Variants in CHSY1 observed in about 807,000 individuals in gnomAD.
CHSY1 encodes the protein chondroitin sulfate synthase 1, also known as N-acetylgalactosaminyl-proteoglycan 3-beta-glucuronosyltransferase 1.
CHSY1 carries 13 observed loss-of-function variants against 59.8 expected under a neutral mutation model. That is an observed-to-expected ratio of 0.22 (90% CI 0.14 to 0.35). CHSY1 has a LOEUF of 0.35. Among genes scored for constraint, CHSY1 ranks in the 10% least tolerant of loss-of-function variants. The pLI is 1.00. For synonymous variants in CHSY1, 459 were observed against 401.2 expected (o/e 1.14, Z -1.72); for missense variants, 947 against 1,030.6 (o/e 0.92, Z 1.11).
chr15:101,188,001 G>C (rs1035101824), intron 2 of CHSY1: 1 of 984,016 alleles, frequency 1.0e-6, no homozygotes, highest in African/African-American at 1.7e-5. Context: ...ACCTTCCACA[G>C]TCTTCATTAG....
chr15:101,239,659 T>G (rs1020858185), intron 1 of CHSY1, among the ~76,000 whole-genome samples: 12 of 152,346 alleles, frequency 7.9e-5, no homozygotes, highest in Admixed American at 5.9e-4. Context: ...GGGCTCCACG[T>G]GGACTAGTCA....
intron 1 of CHSY1, among the ~76,000 whole-genome samples, chr15:101,236,775 A>T (rs529307292): frequency 6.6e-6 from 1 of 152,354 alleles, no homozygotes; most frequent in East Asian, 1.9e-4. Context: ...CAGCGAGCCG[A>T]GATCGTGCCA....
intron 2 of CHSY1, among the ~76,000 whole-genome samples, chr15:101,210,387 C>T (rs1344300581): frequency 6.6e-6 from 1 of 152,024 alleles, no homozygotes; most frequent in Non-Finnish European, 1.5e-5. Flanking sequence ...AAAACTAATC[C>T]CCATTTAAAC....
chr15:101,212,369 T>C (rs1311581482), intron 2 of CHSY1, among the ~76,000 whole-genome samples: 1 of 152,116 alleles, frequency 6.6e-6, no homozygotes, highest in East Asian at 1.9e-4. Context: ...TGTTCAAGAG[T>C]AGTCAAAGCA....
chr15:101,202,163 G>C (rs373505821), intron 2 of CHSY1, among the ~76,000 whole-genome samples: 29 of 138,020 alleles, frequency 2.1e-4, no homozygotes, highest in Admixed American at 4.3e-4. Context: ...TTCTGCAGGG[G>C]GGGCAGTGGG....
intron 2 of CHSY1, among the ~76,000 whole-genome samples, chr15:101,207,999 A>G (rs538505800): frequency 2.3e-4 from 35 of 152,364 alleles, no homozygotes; most frequent in African/African-American, 8.4e-4. Context: ...GAGGCATTGC[A>G]ACAGAGGATT....
chr15:101,178,576 G>T lies in CHSY1; in HGVS notation c.1221C>A (p.Asp407Glu), dbSNP rs542222806. ...TCATCTCCATGACCTGCATGACAAT[G>T]TCGTCCAAGGCTTCCCTCTGGGCGG... ...MDSAQREALDDIVMQVMEMIN... is the reference protein window; with the variant it reads ...MDSAQREALDEIVMQVMEMIN... The change falls in exon 3 of 3, where the codon GAC becomes GAA. Residue 407 changes from aspartate (D) to glutamate (E), a missense_variant. Transcript: ENST00000254190. 6.2e-7 allele frequency: 1 copy of T among 1,614,230 alleles called. No individual in the cohort carries two copies. The highest frequency in any genetic ancestry group is 1.7e-5 in the Admixed American group (1 of 60,032).
At position 101,176,083 on chromosome 15, in the gene CHSY1, A is replaced by G. The variant is rs1284894766; in HGVS notation, c.*1305T>C. On this transcript the variant is annotated 3_prime_UTR_variant, in exon 3 of 3. Coordinates refer to ENST00000254190, the MANE Select transcript of CHSY1 (RefSeq NM_014918.5). ...TAAAACAGTAAGGAATATAAAAATT[A>G]AGGAGGGGAAAAAGCGTTTCCAAAA... The G allele has an allele frequency of 2.5e-6, 1 of 393,874 alleles. No individual in the cohort carries two copies. Among genetic ancestry groups the G allele is most frequent in the Non-Finnish European group, 4.5e-6 (1 of 224,394 alleles). The allele number at this position is 393,874 out of a possible 1,614,324, so 24.4% of individuals were successfully genotyped here. A position where few individuals can be genotyped will look rare whatever the true frequency, so the allele number is the denominator to read the frequency against.
At chr15:101,247,181 C>CTTCTTTTACTGGCCTTCTTGGCTTTCT (rs1231573284) in intron 1 of CHSY1, among the ~76,000 whole-genome samples, 1 of 152,168 alleles carries the variant, frequency 6.6e-6, no homozygotes, top group Non-Finnish European at 1.5e-5. Flanking sequence ...TCTTGGGGCT[C>CTTCTTTTACTGGCCTTCTTGGCTTTCT]TTCTTTTACT....
rs2038229906 is a variant in CHSY1, at chr15:101,178,545, C to T, written c.1252G>A (p.Ala418Thr). The change falls in exon 3 of 3, where the codon GCC (alanine) becomes ACC (threonine). Residue 418 changes from alanine to threonine, a missense_variant. By Grantham distance (58) the Ala-to-Thr change is moderately conservative. Transcript: ENST00000254190. Reference protein sequence around the residue: ...IVMQVMEMINANAKTRGRIID... With the variant: ...IVMQVMEMINTNAKTRGRIID... Reference sequence around the variant, plus strand: ...ATGCGCCCTCTGGTCTTGGCGTTGGCATTGATCATCTCCATGACCTGCATG... The same window carrying T: ...ATGCGCCCTCTGGTCTTGGCGTTGGTATTGATCATCTCCATGACCTGCATG... The T allele has an allele frequency of 1.2e-6, 2 of 1,614,132 alleles. No individual in the cohort carries two copies. The highest frequency in any genetic ancestry group is 1.6e-4 in the Middle Eastern group (1 of 6,084).
intron 1 of CHSY1, among the ~76,000 whole-genome samples, chr15:101,243,555 T>C (rs2039023314): frequency 6.6e-6 from 1 of 152,092 alleles, no homozygotes; most frequent in Admixed American, 6.6e-5. Context: ...TGGCTTTCCA[T>C]CCCACACACG....
intron 2 of CHSY1, 132 bp from the exon 3 acceptor site, chr15:101,179,112 C>T (rs1158075583): frequency 9.7e-6 from 8 of 824,244 alleles, no homozygotes; most frequent in Middle Eastern, 6.8e-4. Flanking sequence ...AGATAAGGCC[C>T]GATCAACAGC....
intron 2 of CHSY1, among the ~76,000 whole-genome samples, chr15:101,212,311 T>C (rs1416174029): frequency 1.3e-5 from 2 of 152,356 alleles, no homozygotes; most frequent in Admixed American, 1.3e-4. Flanking sequence ...ATTCCACTTC[T>C]AGGTATTTAT....
chr15:101,248,865 CA>C (rs1375923718), intron 1 of CHSY1, among the ~76,000 whole-genome samples: 1 of 152,044 alleles, frequency 6.6e-6, no homozygotes, highest in Non-Finnish European at 1.5e-5. Flanking sequence ...CGGGTCACAG[CA>C]ACCTCTGCCT....
intron 2 of CHSY1, among the ~76,000 whole-genome samples, chr15:101,183,775 G>C (rs1399135987): frequency 1.3e-5 from 2 of 152,198 alleles, no homozygotes; most frequent in African/African-American, 4.8e-5. Flanking sequence ...CTCAGTGCTT[G>C]ACACATCGAG....
intron 2 of CHSY1, among the ~76,000 whole-genome samples, chr15:101,179,617 G>C (rs1017936701): frequency 6.6e-6 from 1 of 152,200 alleles, no homozygotes; most frequent in African/African-American, 2.4e-5. Flanking sequence ...TCCTGCGTAC[G>C]AGGAAGGTAC....
chr15:101,245,986 C>T (rs79344805), intron 1 of CHSY1, among the ~76,000 whole-genome samples: 3,003 of 152,278 alleles, frequency 0.02, 100 homozygotes, highest in African/African-American at 0.068. Context: ...GAAATGAATT[C>T]AGATTTATAA....
At chr15:101,240,640 T>C (rs879458712) in intron 1 of CHSY1, among the ~76,000 whole-genome samples, 1 of 152,228 alleles carries the variant, frequency 6.6e-6, no homozygotes, top group African/African-American at 2.4e-5. Context: ...GTAATTCAGC[T>C]GGACCAGTAT....
At chr15:101,239,774 T>C (rs1206524445) in intron 1 of CHSY1, among the ~76,000 whole-genome samples, 1 of 152,198 alleles carries the variant, frequency 6.6e-6, no homozygotes, top group Non-Finnish European at 1.5e-5. Context: ...TCAGACAATG[T>C]TACAGGAAAG....
Sources: allele counts gnomAD v4.1 joint callset (sites outside exome capture counted in the v4.1 genomes callset), GRCh38; gene constraint gnomAD v4.1.1; transcripts MANE v1.5; gene names NCBI Gene and HGNC (gene_info 2026-07-23, HGNC 2026-07-21).